COL20A1: variants seen among roughly 807,000 people sequenced by gnomAD.
The protein encoded by COL20A1 is collagen alpha-1(XX) chain.
COL20A1 carries 164 observed loss-of-function variants against 152.9 expected under a neutral mutation model. The ratio of observed to expected loss-of-function variants is 1.07; its 90% CI spans 0.94 to 1.22. The LOEUF is 1.22. COL20A1 is among the 50% of genes most tolerant of loss of function. The pLI, the probability that COL20A1 is intolerant of heterozygous loss-of-function variation, is 0.00. For missense variants in COL20A1, 1,873 were observed against 1,744.8 expected (o/e 1.07, Z -1.31); for synonymous variants, 864 against 756.0 (o/e 1.14, Z -2.34).
chr20:63,308,861 C>CA (rs1301378572), intron 8 of COL20A1, among the ~76,000 whole-genome samples, 155 bp downstream of exon 8: 3 of 152,216 alleles, frequency 2.0e-5, no homozygotes, highest in African/African-American at 7.2e-5. Flanking sequence ...GCCTGGCACT[C>CA]AGAGGCGATG....
rs1416424892 is a variant in COL20A1, at chr20:63,316,648, A to G, written c.2620A>G (p.Thr874Ala). The G allele has an allele frequency of 6.3e-7, 1 of 1,576,328 alleles. No homozygotes were observed. Among genetic ancestry groups the G allele is most frequent in the African/African-American group, 1.3e-5 (1 of 74,112 alleles). The change falls in exon 21 of 36, where the codon ACC becomes GCC. Residue 874 changes from threonine (T) to alanine (A), a missense_variant. By Grantham distance (58) the Thr-to-Ala change is moderately conservative. Transcript: ENST00000358894. ...GCCCTCTGCCTTCGGTGGGACCCCG[A>G]CCTTCACGCTCTTCAAGGACGCCCA... ...MEPSAFGGTP[T>A]FTLFKDAQLT... is the part of the protein sequence containing the mutation.
chr20:63,312,317 T>G, intron 14 of COL20A1, 103 bp from the exon 15 acceptor site: 1 of 1,311,752 alleles, frequency 7.6e-7, no homozygotes. Flanking sequence ...TTCTGGGGGG[T>G]CGTGGGGTAG....
chr20:63,293,537 C>T (rs535597129), intron 1 of COL20A1, among the ~76,000 whole-genome samples: 12 of 152,198 alleles, frequency 7.9e-5, no homozygotes, highest in East Asian at 5.8e-4. Flanking sequence ...TGTGGGGGAA[C>T]GAGGAGGGTG....
intron 7 of COL20A1, 38 bp downstream of exon 7, chr20:63,308,128 CGGACCTCCTTCTGCCG>C: frequency 6.3e-7 from 1 of 1,582,774 alleles, no homozygotes; most frequent in African/African-American, 1.7e-5. Context: ...GTCCTGAGGG[CGGACCTCCTTCTGCCG>C]CCCTCCCAGA....
intron 35 of COL20A1, among the ~76,000 whole-genome samples, chr20:63,330,423 C>T (rs1032290812): frequency 6.6e-6 from 1 of 152,094 alleles, no homozygotes; most frequent in African/African-American, 2.4e-5. Flanking sequence ...AAGGCTGGGG[C>T]AAGAGGGCAG....
rs1174178251 is a variant in COL20A1 at position 63,308,078 on chromosome 20, AACACGTTC to A, written c.767_774del (p.Thr256ArgfsTer62). ...GCGCCGCCTCCGCTACAAGGGGGGG[AACACGTTC>A]ACAGGTACGGCCCAGGCCTGCCCCT... On this transcript the variant is annotated frameshift_variant, in exon 7 of 36. Coordinates refer to ENST00000358894, the MANE Select transcript of COL20A1 (RefSeq NM_020882.4). LOFTEE classifies it high-confidence loss of function. The A allele has an allele frequency of 6.2e-7, 1 of 1,609,534 alleles. No individual in the cohort carries two copies. The highest frequency in any genetic ancestry group is 1.7e-5 in the Admixed American group (1 of 59,886).
rs1282340295 is a variant in COL20A1 at position 63,295,137 on chromosome 20, C to A, written c.30C>A (p.Gly10=). 1.9e-5 allele frequency: 30 copies of A among 1,553,782 alleles called. No individual in the cohort carries two copies. Among genetic ancestry groups the A allele is most frequent in the Admixed American group, 3.9e-5 (2 of 51,422 alleles). MSSGDPAHL[G]LCLWLWLGAT... ...GCTCCGGAGACCCTGCACACCTCGG[C>A]CTCTGCCTCTGGCTGTGGCTGGGCG... Residue 10 remains glycine, a synonymous_variant, in exon 2 of 36, where the codon GGC becomes GGA. Transcript: ENST00000358894.
Position 63,328,437 on chromosome 20 carries a change from C to T in COL20A1, c.3720C>T (p.Thr1240=), listed in dbSNP as rs757050679. The T allele has an allele frequency of 5.0e-6, 8 of 1,612,586 alleles. 1 individual carries two copies. The South Asian group carries it at 6.6e-5, about 13-fold the overall frequency. Reference sequence around the variant, plus strand: ...CTGAGCCCCTGGGGTCCCCTGGCACCCGCAGCAAGGCCCTGGTTCCTGGAG... The same window carrying T: ...CTGAGCCCCTGGGGTCCCCTGGCACTCGCAGCAAGGCCCTGGTTCCTGGAG... ...PGTEPLGSPG[T]RSKALVPGEW... The change falls in exon 34 of 36, where the codon ACC becomes ACT. Residue 1240 remains threonine, a synonymous_variant. Transcript: ENST00000358894.
intron 29 of COL20A1, 38 bp downstream of exon 29, chr20:63,325,759 T>C: frequency 6.3e-7 from 1 of 1,586,830 alleles, no homozygotes; most frequent in Admixed American, 1.7e-5. Flanking sequence ...GTCAGGGTGG[T>C]AGAGACTGGC....
chr20:63,312,926 G>T lies in COL20A1; in HGVS notation c.2068G>T (p.Ala690Ser). ...ITWTPLGEGK[A>S]HEISVPGNLG... ...GTGGACGCCCCTGGGAGAGGGGAAG[G>T]CTCACGAGGTGGGCAGGGGTGGGTT... Residue 690 changes from alanine to serine, a missense_variant, in exon 16 of 36, where the codon GCT (alanine) becomes TCT (serine). By Grantham distance (99) the Ala-to-Ser change is moderately conservative. Coordinates refer to ENST00000358894, the MANE Select transcript of COL20A1 (RefSeq NM_020882.4). The T allele has an allele frequency of 6.4e-7, 1 of 1,551,886 alleles. No homozygotes were observed. Among genetic ancestry groups the T allele is most frequent in the East Asian group, 2.4e-5 (1 of 41,348 alleles).
intron 27 of COL20A1, 156 bp from the exon 28 acceptor site, chr20:63,325,285 C>A (rs1376520092): frequency 1.4e-6 from 1 of 720,476 alleles, no homozygotes; most frequent in East Asian, 2.7e-5. Flanking sequence ...CCCGGGCCAC[C>A]CGGACAGATG....
chr20:63,321,939 TG>T, intron 26 of COL20A1, 118 bp from the exon 27 acceptor site: 1 of 717,658 alleles, frequency 1.4e-6, no homozygotes, highest in Non-Finnish European at 2.2e-6. Context: ...GTGGACAGTC[TG>T]GGGCTGGGTG....
In COL20A1 at chr20:63,321,048, C is replaced by T. The variant is rs1398499227; in HGVS notation, c.3189C>T (p.Ala1063=). 1 of 1,601,572 alleles carries T rather than the reference C, an allele frequency of 6.2e-7. No individual in the cohort carries two copies. The highest frequency in any genetic ancestry group is 8.5e-7 in the Non-Finnish European group (1 of 1,174,858). ...DGETCPAFVS[A]CSCSSETPGP... ...AGACCTGCCCCGCCTTCGTGTCTGC[C>T]TGTTCCTGTTCCTCAGAGACCCCTG... is the stretch of plus-strand genomic sequence containing the variant. Residue 1063 remains alanine (A), a synonymous_variant, in exon 26 of 36, where the codon GCC becomes GCT. Transcript: ENST00000358894.
At position 63,328,422 on chromosome 20, in the gene COL20A1, G is replaced by C; in HGVS notation, c.3705G>C (p.Leu1235=). ...EQKLEPGTEP[L]GSPGTRSKAL... ...AGCTGGAGCCGGGCACTGAGCCCCT[G>C]GGGTCCCCTGGCACCCGCAGCAAGG... Residue 1235 remains leucine, a synonymous_variant, in exon 34 of 36, where the codon CTG becomes CTC. Coordinates refer to ENST00000358894, the MANE Select transcript of COL20A1 (RefSeq NM_020882.4). 6.2e-7 allele frequency: 1 copy of C among 1,612,444 alleles called. No individual in the cohort carries two copies. Among genetic ancestry groups the C allele is most frequent in the Non-Finnish European group, 8.5e-7 (1 of 1,179,652 alleles).
chr20:63,294,861 G>T (rs1341576963), intron 1 of COL20A1, among the ~76,000 whole-genome samples: 6 of 152,220 alleles, frequency 3.9e-5, no homozygotes, highest in Non-Finnish European at 7.3e-5. Context: ...TGCCAAGAGT[G>T]GGGTGGGAGT....
chr20:63,319,339 G>C lies in COL20A1; in HGVS notation c.2806+139G>C, dbSNP rs987191639. The C allele has an allele frequency of 3.6e-6, 4 of 1,120,102 alleles. No individual in the cohort carries two copies. Among genetic ancestry groups the C allele is most frequent in the Non-Finnish European group, 5.0e-6 (4 of 792,134 alleles). The allele number at this position is 1,120,102 out of a possible 1,614,324, so 69.4% of individuals were successfully genotyped here. ...CCTCTGGGTGGGAGGCAGGTGTCCCGGGCAGGGGGCTGTGGGCCACATTGA... is the reference window on the plus strand; with the variant it reads ...CCTCTGGGTGGGAGGCAGGTGTCCCCGGCAGGGGGCTGTGGGCCACATTGA... On this transcript the variant is annotated intron_variant, in intron 22 of 35. Transcript: ENST00000358894. The surrounding 1 kb of genome is among the most constrained non-coding windows in gnomAD (Gnocchi z 4.4).
At position 63,325,859 on chromosome 20, in the gene COL20A1, C is replaced by T. The variant is rs966528403; in HGVS notation, c.3402+138C>T. 8.9e-5 allele frequency: 74 copies of T among 835,502 alleles called. 1 individual carries two copies. In the South Asian group the frequency reaches 9.2e-4, roughly 10 times the overall value. 51.8% of individuals were successfully genotyped at this position (835,502 alleles called of 1,614,324 possible). A position where few individuals can be genotyped will look rare whatever the true frequency, so the allele number is the denominator to read the frequency against. On this transcript the variant is annotated intron_variant, in intron 29 of 35. Coordinates refer to ENST00000358894, the MANE Select transcript of COL20A1 (RefSeq NM_020882.4). ...GCTCCTGCCTCACCTGCTGCACCAC[C>T]CCCTTCAGCCTGTGGCCTGGCCAGA...
At chr20:63,327,701 A>G in intron 31 of COL20A1, 1 of 564,160 alleles carries the variant, frequency 1.8e-6, no homozygotes, top group Non-Finnish European at 3.2e-6. Flanking sequence ...GCCAGAGGCA[A>G]GTCCTTTGTG....
rs769509538 is a variant in COL20A1 at position 63,310,391 on chromosome 20, A to G, written c.1274A>G (p.Glu425Gly). The stretch of plus-strand genomic sequence containing the variant: ...CCCACTCTGTTCCAGGTGGTGGTGG[A>G]GGGACCCGCCGCCTCCACGGAGCTG... ...RGGTPREVVV[E>G]GPAASTELHN... The change falls in exon 11 of 36, where the codon GAG becomes GGG. Residue 425 changes from glutamate (E) to glycine (G), a missense_variant. Physicochemically the swap from Glu to Gly is moderately conservative, Grantham distance 98 (BLOSUM62 -2). Transcript: ENST00000358894. The G allele has an allele frequency of 9.9e-6, 16 of 1,610,670 alleles. No individual in the cohort carries two copies. The highest frequency in any genetic ancestry group is 1.7e-5 in the Admixed American group (1 of 59,826).
Sources: allele counts gnomAD v4.1 joint callset (sites outside exome capture counted in the v4.1 genomes callset), GRCh38; gene constraint gnomAD v4.1.1; non-coding constraint Gnocchi (gnomAD v3.1); transcripts MANE v1.5; gene names NCBI Gene and HGNC (gene_info 2026-07-23, HGNC 2026-07-21).